The following ADAMTS17 variants were observed in gnomAD, a reference collection of about 807,000 sequenced individuals.
The protein encoded by ADAMTS17 is ADAM metallopeptidase with thrombospondin type 1 motif 17.
Under a neutral mutation model 141.5 loss-of-function variants are expected in ADAMTS17, and 113 were observed. The observed-to-expected ratio is 0.80, with a 90% confidence interval of 0.69 to 0.93. The LOEUF (loss-of-function observed/expected upper bound fraction) is 0.93, where lower values mean the gene tolerates loss of function less well. Among genes scored for constraint, ADAMTS17 ranks in the 40% least tolerant of loss-of-function variants. ADAMTS17 has a pLI of 0.00. For missense variants in ADAMTS17, 1,659 were observed against 1,517.9 expected, an observed-to-expected ratio of 1.09 and a Z score of -1.54; for synonymous variants, 768 against 630.6, an observed-to-expected ratio of 1.22 and a Z score of -3.27.
rs993400207 is a variant in ADAMTS17, at chr15:100,132,182, A to C, written c.1576-30T>G. The C allele has an allele frequency of 3.7e-6, 6 of 1,609,434 alleles. No homozygotes were observed. In the South Asian group the frequency reaches 4.4e-5, roughly 12 times the overall value. ...AACACAGCGGGGAGGGTCGGGGCCC[A>C]GGCACTCAGCAGAGCTGCTCACTCC... On this transcript the variant is annotated intron_variant, in intron 11 of 21. Transcript: ENST00000268070.
chr15:100,125,649 G>A (rs2141202113), intron 12 of ADAMTS17, among the ~76,000 whole-genome samples: 1 of 152,210 alleles, frequency 6.6e-6, no homozygotes, highest in East Asian at 1.9e-4. Flanking sequence ...GTAACAGAAG[G>A]TAAATTAGAG....
intron 10 of ADAMTS17, among the ~76,000 whole-genome samples, chr15:100,141,444 C>CA (rs2038646885): frequency 6.6e-6 from 1 of 152,146 alleles, no homozygotes. Context: ...TAAAGTCTCT[C>CA]AAAAATGTGC....
At chr15:100,152,792 C>A (rs1318291732) in intron 9 of ADAMTS17, 30 bp from the exon 10 acceptor site, 1 of 1,613,540 alleles carries the variant, frequency 6.2e-7, no homozygotes, top group South Asian at 1.1e-5. Context: ...AGTTGACTTG[C>A]AAATGTACTG....
At chr15:100,066,336 G>A (rs2033523350) in intron 15 of ADAMTS17, among the ~76,000 whole-genome samples, 1 of 151,692 alleles carries the variant, frequency 6.6e-6, no homozygotes, top group African/African-American at 2.4e-5. Context: ...GTTGAACTGT[G>A]ATCACGCTTG....
chr15:100,012,676 T>C (rs1417748025), intron 18 of ADAMTS17, among the ~76,000 whole-genome samples: 1 of 152,222 alleles, frequency 6.6e-6, no homozygotes, highest in East Asian at 1.9e-4. Flanking sequence ...GTTTGCTTTG[T>C]CGAAGATCAG....
intron 3 of ADAMTS17, chr15:100,306,673 G>A (rs2045237201): frequency 1.2e-5 from 5 of 432,354 alleles, no homozygotes; most frequent in South Asian, 8.3e-5. Context: ...TCAGCTTTGG[G>A]GTAGCTCATC....
chr15:100,058,375 C>A (rs2032821524), intron 15 of ADAMTS17, among the ~76,000 whole-genome samples: 2 of 152,168 alleles, frequency 1.3e-5, no homozygotes, highest in African/African-American at 4.8e-5. Context: ...CCCTCCTATC[C>A]CAGCTCTAAC....
chr15:100,313,182 T>A (rs2045457949), intron 3 of ADAMTS17, among the ~76,000 whole-genome samples: 4 of 152,186 alleles, frequency 2.6e-5, no homozygotes, highest in Admixed American at 2.6e-4. Flanking sequence ...CATGGAGCTA[T>A]AATACTAATA....
intron 7 of ADAMTS17, among the ~76,000 whole-genome samples, chr15:100,205,096 A>G (rs189008964): frequency 7.9e-5 from 12 of 152,162 alleles, no homozygotes; most frequent in Admixed American, 7.8e-4. Context: ...GGTTAATGAG[A>G]CCACAGCTTA....
At chr15:100,150,973 C>T (rs1275119840) in intron 10 of ADAMTS17, among the ~76,000 whole-genome samples, 1 of 152,256 alleles carries the variant, frequency 6.6e-6, no homozygotes, top group African/African-American at 2.4e-5. Flanking sequence ...AGACAGAATG[C>T]CTCTTGGCAG....
intron 3 of ADAMTS17, among the ~76,000 whole-genome samples, chr15:100,299,518 A>C (rs75141619): frequency 1.4e-5 from 2 of 143,562 alleles, no homozygotes; most frequent in African/African-American, 5.3e-5. Context: ...GAAAAGAAAA[A>C]AAAAAAAAAA....
intron 2 of ADAMTS17, among the ~76,000 whole-genome samples, chr15:100,335,178 C>T (rs1327584174): frequency 6.6e-6 from 1 of 152,148 alleles, no homozygotes; most frequent in East Asian, 1.9e-4. Context: ...GTTTAACGGG[C>T]CCTCCAGGGG....
At position 99,974,418 on chromosome 15, in the gene ADAMTS17, G is replaced by A. The variant is rs1305166982; in HGVS notation, c.3272C>T (p.Pro1091Leu). 1.9e-6 allele frequency: 3 copies of A among 1,614,192 alleles called. No individual in the cohort carries two copies. Among genetic ancestry groups the A allele is most frequent in the South Asian group, 2.2e-5 (2 of 91,084 alleles). ...RDFYANKMRQPPPNS is the reference protein window; with the variant it reads ...RDFYANKMRQLPPNS ...GACTGCGTGTCACGAGTTCGGCGGT[G>A]GCTGGCGCATCTTGTTTGCATAGAA... The change falls in exon 22 of 22, where the codon CCA becomes CTA. Residue 1091 changes from proline to leucine, a missense_variant. Pro to Leu is a moderately conservative substitution (Grantham distance 98). Transcript: ENST00000268070.
In ADAMTS17 at chr15:100,341,178, G is replaced by GAGA; in HGVS notation, c.310_311insTCT (p.Leu103_Ser104insPhe). The GAGA allele has an allele frequency of 6.8e-7, 1 of 1,466,694 alleles. No individual in the cohort carries two copies. The highest frequency in any genetic ancestry group is 9.0e-7 in the Non-Finnish European group (1 of 1,113,478). The allele number at this position is 1,466,694 out of a possible 1,614,324, so 90.9% of individuals were successfully genotyped here. Reference sequence around the variant, plus strand: ...CGCCTCCTCCACCTCGAAGCCTCGGGACAGGAAGCGCAGGTCGCGGCGCAG... The same window carrying GAGA: ...CGCCTCCTCCACCTCGAAGCCTCGGGAGAACAGGAAGCGCAGGTCGCGGCGCAG... On this transcript the variant is annotated inframe_insertion, in exon 2 of 22. Transcript: ENST00000268070.
At chr15:100,141,919 G>A (rs1488854955) in intron 10 of ADAMTS17, among the ~76,000 whole-genome samples, 1 of 152,216 alleles carries the variant, frequency 6.6e-6, no homozygotes, top group Non-Finnish European at 1.5e-5. Context: ...ACGCACTACC[G>A]TACAGCCCTG....
intron 15 of ADAMTS17, among the ~76,000 whole-genome samples, chr15:100,081,147 G>A (rs1299331006): frequency 6.6e-6 from 1 of 152,158 alleles, no homozygotes; most frequent in Admixed American, 6.5e-5. Context: ...CAAATACAAA[G>A]CAGGCAGAAA....
chr15:100,166,949 C>T (rs1458303621), intron 8 of ADAMTS17, among the ~76,000 whole-genome samples: 2 of 152,164 alleles, frequency 1.3e-5, no homozygotes, highest in Non-Finnish European at 2.9e-5. Context: ...AATCAGCAGG[C>T]TATTGGTATG....
At chr15:100,292,085 G>GAA in intron 3 of ADAMTS17, among the ~76,000 whole-genome samples, 1 of 85,508 alleles carries the variant, frequency 1.2e-5, no homozygotes, top group East Asian at 3.8e-4. Flanking sequence ...CCCGTGGGGA[G>GAA]TCATGAGAGA....
intron 3 of ADAMTS17, among the ~76,000 whole-genome samples, chr15:100,293,225 T>C (rs930826689): frequency 4.6e-5 from 7 of 152,004 alleles, no homozygotes; most frequent in Non-Finnish European, 1.0e-4. Flanking sequence ...GGAACAGAAC[T>C]CCAAGAAAGG....
Sources: gnomAD v4.1 joint callset for allele counts (sites outside exome capture counted in the v4.1 genomes callset) on GRCh38, gnomAD v4.1.1 for gene constraint, MANE v1.5 for transcripts, NCBI Gene and HGNC (gene_info 2026-07-23, HGNC 2026-07-21) for gene names.